Variants in SESN2 observed in about 807,000 individuals in gnomAD.
SESN2 encodes sestrin-2.
A neutral mutation model predicts 56.0 loss-of-function variants in SESN2; 42 were observed. The ratio of observed to expected loss-of-function variants is 0.75; its 90% confidence interval spans 0.59 to 0.97. The LOEUF (loss-of-function observed/expected upper bound fraction) is 0.97. Ranked by LOEUF, SESN2 falls within the 50% of genes least tolerant of loss-of-function variation. The probability of loss-of-function intolerance (pLI) is 0.00; values close to 1 mark genes in which losing one functional copy is unlikely to be tolerated. For missense variants in SESN2, 507 were observed against 649.4 expected (o/e 0.78, Z 2.38); for synonymous variants, 264 against 267.1 (o/e 0.99, Z 0.11).
intron 1 of SESN2, among the ~76,000 whole-genome samples, chr1:28,260,310 C>T (rs553740471): frequency 1.3e-5 from 2 of 152,196 alleles, no homozygotes; most frequent in African/African-American, 4.8e-5. Flanking sequence ...AAATCCCGGC[C>T]GGAGCGGCCA....
At chr1:28,275,341 T>C (rs2149039854) in intron 8 of SESN2, among the ~76,000 whole-genome samples, 1 of 152,208 alleles carries the variant, frequency 6.6e-6, no homozygotes, top group East Asian at 1.9e-4. Flanking sequence ...TAGAGAGAGT[T>C]ATGTTTGTAT....
At chr1:28,275,473 G>C (rs1648001548) in intron 8 of SESN2, among the ~76,000 whole-genome samples, 1 of 152,148 alleles carries the variant, frequency 6.6e-6, no homozygotes, top group Non-Finnish European at 1.5e-5. Context: ...AATTACAATA[G>C]GCTGGGCGCA....
In SESN2 at chr1:28,273,210, C is replaced by T. The variant is rs901092820; in HGVS notation, c.751-148C>T. On this transcript the variant is annotated intron_variant, in intron 5 of 9. Transcript: ENST00000253063. ...ACGTCACTTTAGGAAGCACAGACCC[C>T]ATGTGCTGTCCAGCACAGTGGCTGG... is the stretch of plus-strand genomic sequence containing the variant. 5.9e-5 allele frequency: 38 copies of T among 638,738 alleles called. 1 individual carries two copies. In the African/African-American group the frequency reaches 6.0e-4, roughly 10 times the overall value. The allele number at this position is 638,738 out of a possible 1,614,324, so 39.6% of individuals were successfully genotyped here. A position where few individuals can be genotyped will look rare whatever the true frequency, so the allele number is the denominator to read the frequency against.
intron 8 of SESN2, among the ~76,000 whole-genome samples, 174 bp from the exon 9 acceptor site, chr1:28,278,923 G>A (rs983284858): frequency 4.6e-5 from 7 of 152,180 alleles, no homozygotes; most frequent in African/African-American, 7.2e-5. Flanking sequence ...CCAATGTGGC[G>A]GCCTGTGATA....
chr1:28,274,972 C>T lies in SESN2; in HGVS notation c.1168C>T (p.Arg390Cys), dbSNP rs1430082772. ...CAGTGGTGTGGACACCTCCGTGCTCCGCAGGGCCATCTGGAACTATATCCA... is the reference window on the plus strand; with the variant it reads ...CAGTGGTGTGGACACCTCCGTGCTCTGCAGGGCCATCTGGAACTATATCCA... The part of the protein sequence containing the change: ...MHSGVDTSVL[R>C]RAIWNYIHCV... The change falls in exon 8 of 10, where the codon CGC (arginine) becomes TGC (cysteine). Residue 390 changes from arginine to cysteine, a missense_variant. By Grantham distance (180) the Arg-to-Cys change is radical (BLOSUM62 -3). Transcript: ENST00000253063. The T allele has an allele frequency of 6.2e-7, 1 of 1,613,912 alleles. No individual in the cohort carries two copies. The highest frequency in any genetic ancestry group is 1.3e-5 in the African/African-American group (1 of 74,920).
rs184089186 is a variant in SESN2, at chr1:28,263,381, C to A, written c.90+3444C>A. Among the ~76,000 whole-genome samples, 12 of 152,324 alleles carry A rather than the reference C, an allele frequency of 7.9e-5. No individual in the cohort carries two copies. In the South Asian group the frequency reaches 2.3e-3, roughly 29 times the overall value. ...ACAAGTGTATGGCACCACTCACTCA[C>A]ACCCCCTCCACCCTGCCCACTCCAA... On this transcript the variant is annotated intron_variant, in intron 1 of 9. Coordinates refer to ENST00000253063, the MANE Select transcript of SESN2 (RefSeq NM_031459.5).
chr1:28,273,746 T>A (rs1459929092), intron 6 of SESN2, among the ~76,000 whole-genome samples: 1 of 152,050 alleles, frequency 6.6e-6, no homozygotes. Flanking sequence ...CTGTGTAGGG[T>A]TAGTGGGGCA....
In SESN2 at chr1:28,278,770, TG is replaced by T. The variant is rs1207708138; in HGVS notation, c.1212-323del. 4.6e-5 allele frequency among the ~76,000 whole-genome samples: 7 copies of T among 152,356 alleles called. No individual in the cohort carries two copies. In the East Asian group the frequency reaches 1.3e-3, roughly 29 times the overall value. On this transcript the variant is annotated intron_variant, in intron 8 of 9. Coordinates refer to ENST00000253063, the MANE Select transcript of SESN2 (RefSeq NM_031459.5). ...AATCTCAGTTTCCTCATCTATAACA[TG>T]GGGTTGATGAATGTAGCAGATTGCA...
In SESN2 at chr1:28,273,041, C is replaced by T. The variant is rs538138590; in HGVS notation, c.750+248C>T. Among the ~76,000 whole-genome samples, 6 of 152,308 alleles carry T rather than the reference C, an allele frequency of 3.9e-5. No homozygotes were observed. In the South Asian group the frequency reaches 1.0e-3, roughly 26 times the overall value. ...ACTGACACTGTGTATATGCCATAGG[C>T]TCAAAGCCTGTTGGTTTTAGCACTT... On this transcript the variant is annotated intron_variant, in intron 5 of 9. Transcript: ENST00000253063.
chr1:28,261,338 A>G (rs1375802290), intron 1 of SESN2, among the ~76,000 whole-genome samples: 1 of 152,178 alleles, frequency 6.6e-6, no homozygotes, highest in East Asian at 1.9e-4. Context: ...TAATGTTACT[A>G]TTGAGAACAC....
chr1:28,273,006 A>C (rs1647846002), intron 5 of SESN2, among the ~76,000 whole-genome samples: 1 of 152,290 alleles, frequency 6.6e-6, no homozygotes, highest in Admixed American at 6.5e-5. Flanking sequence ...GTTAAATGAA[A>C]TACCATGTGA....
intron 1 of SESN2, among the ~76,000 whole-genome samples, chr1:28,263,427 T>G (rs1276261503): frequency 2.0e-5 from 3 of 152,148 alleles, no homozygotes; most frequent in Non-Finnish European, 4.4e-5. Context: ...CCTGGGCTGC[T>G]TGGGCTGTAT....
intron 1 of SESN2, 127 bp downstream of exon 1, chr1:28,260,064 C>T (rs977485159): frequency 1.4e-5 from 9 of 661,304 alleles, no homozygotes; most frequent in Non-Finnish European, 1.9e-5. Flanking sequence ...TAACCCGGGA[C>T]CCGGGTTGCA....
At chr1:28,264,616 AC>A (rs1357876436) in intron 1 of SESN2, among the ~76,000 whole-genome samples, 45 of 152,330 alleles carry the variant, frequency 3.0e-4, no homozygotes, top group Admixed American at 1.2e-3. Flanking sequence ...GGTCTACTGA[AC>A]CTGTACCATC....
chr1:28,281,063 C>T lies in SESN2; in HGVS notation c.*261C>T, dbSNP rs901239945. 7.4e-6 allele frequency: 3 copies of T among 407,926 alleles called. No individual in the cohort carries two copies. The highest frequency in any genetic ancestry group is 1.3e-5 in the Non-Finnish European group (3 of 226,320). The allele number at this position is 407,926 out of a possible 1,614,324, so 25.3% of individuals were successfully genotyped here. A position where few individuals can be genotyped will look rare whatever the true frequency, so the allele number is the denominator to read the frequency against. ...AAGGGACCACACCCTTCCTCCTTCC[C>T]CTGCCCACAGAGGCAGAGGGCACAG... On this transcript the variant is annotated 3_prime_UTR_variant, in exon 10 of 10. Coordinates refer to ENST00000253063, the MANE Select transcript of SESN2 (RefSeq NM_031459.5).
chr1:28,269,213 C>T lies in SESN2; in HGVS notation c.121C>T (p.Pro41Ser). The T allele has an allele frequency of 6.2e-7, 1 of 1,613,046 alleles. No homozygotes were observed. Among genetic ancestry groups the T allele is most frequent in the Non-Finnish European group, 8.5e-7 (1 of 1,179,554 alleles). ...GAGGGAGAGCCGGGCTCGGCGAGGC[C>T]CTCGAGGGCCCAGCGCCTTCATCCC... ...EQRESRARRG[P>S]RGPSAFIPVE... is the part of the protein sequence containing the mutation. The change falls in exon 2 of 10, where the codon CCT (proline) becomes TCT (serine). Residue 41 changes from proline (P) to serine (S), a missense_variant. Coordinates refer to ENST00000253063, the MANE Select transcript of SESN2 (RefSeq NM_031459.5).
At chr1:28,280,664 G>A in intron 9 of SESN2, 52 bp from the exon 10 acceptor site, 1 of 1,402,838 alleles carries the variant, frequency 7.1e-7, no homozygotes, top group Admixed American at 1.7e-5. Flanking sequence ...TGGGAGGGGT[G>A]TGGGGGTGAG....
At chr1:28,263,648 A>G (rs1329127555) in intron 1 of SESN2, among the ~76,000 whole-genome samples, 1 of 152,100 alleles carries the variant, frequency 6.6e-6, no homozygotes, top group Non-Finnish European at 1.5e-5. Flanking sequence ...CGATATGGGT[A>G]GTAGACAGAA....
chr1:28,275,167 G>C (rs1287232928), intron 8 of SESN2, 152 bp downstream of exon 8: 5 of 585,426 alleles, frequency 8.5e-6, no homozygotes, highest in Non-Finnish European at 1.5e-5. Context: ...AAAGATGACA[G>C]TACTCATTGT....
Sources: allele counts gnomAD v4.1 joint callset (sites outside exome capture counted in the v4.1 genomes callset), GRCh38; gene constraint gnomAD v4.1.1; transcripts MANE v1.5; gene names NCBI Gene and HGNC (gene_info 2026-07-23, HGNC 2026-07-21).